Variants in IQSEC1 observed in about 807,000 individuals in gnomAD.
The protein encoded by IQSEC1 is IQ motif and SEC7 domain-containing protein 1.
In IQSEC1, 31 loss-of-function variants were observed where a neutral mutation model predicts 91.0. The observed-to-expected ratio is 0.34, with a 90% CI of 0.26 to 0.46. The LOEUF is 0.46. IQSEC1 is among the 20% of genes least tolerant of loss of function. IQSEC1 has a pLI of 1.00. For missense variants in IQSEC1, 1,388 were observed against 1,575.6 expected (o/e 0.88, Z 2.02); for synonymous variants, 699 against 662.6 (o/e 1.05, Z -0.84).
At chr3:13,033,242 C>T (rs1008530570) in intron 1 of IQSEC1, among the ~76,000 whole-genome samples, 6 of 152,156 alleles carry the variant, frequency 3.9e-5, no homozygotes, top group African/African-American at 1.2e-4. Context: ...CTGACGAGCC[C>T]GAGGACAGGT....
chr3:13,140,826 G>A (rs9849968), intron 2 of IQSEC1, among the ~76,000 whole-genome samples: 8 of 152,188 alleles, frequency 5.3e-5, no homozygotes, highest in African/African-American at 1.7e-4. Flanking sequence ...CCTGGGTCTG[G>A]ACTTAGGCTG....
Position 12,967,431 on chromosome 3 carries a change from G to C in IQSEC1, c.24-25566C>G. The C allele has an allele frequency of 2.6e-6, 4 of 1,534,182 alleles. No homozygotes were observed. The highest frequency in any genetic ancestry group is 3.5e-6 in the Non-Finnish European group (4 of 1,144,568). On this transcript the variant is annotated intron_variant, in intron 1 of 13. Transcript: ENST00000613206. This position sits in a 1 kb window ranked among gnomAD's most constrained non-coding sequence, Gnocchi z 5.9. ...CCAGAAGGGACTGGGTCCTCTCCGAGTTGCAGTGCAGGCACCACATGGCGG... is the reference window on the plus strand; with the variant it reads ...CCAGAAGGGACTGGGTCCTCTCCGACTTGCAGTGCAGGCACCACATGGCGG...
In IQSEC1 at chr3:13,144,323, C is replaced by T. The variant is rs1039869788; in HGVS notation, c.302+19781G>A. On this transcript the variant is annotated intron_variant, in intron 2 of 15. Coordinates refer to the IQSEC1 transcript ENST00000648114. The stretch of plus-strand genomic sequence containing the variant: ...AGCCGTGTGCTGTGGCCAAACCCAG[C>T]CGTGGATGCCTGATATCTGGTCACC... 7.2e-5 allele frequency among the ~76,000 whole-genome samples: 11 copies of T among 152,202 alleles called. 1 individual carries two copies. The highest frequency in any genetic ancestry group is 5.9e-4 in the Admixed American group (9 of 15,290).
intron 1 of IQSEC1, among the ~76,000 whole-genome samples, chr3:12,976,748 C>T (rs1188643011): frequency 6.6e-6 from 1 of 152,110 alleles, no homozygotes; most frequent in African/African-American, 2.4e-5. Context: ...CCACTGTATC[C>T]CCTGCCGTCT....
At chr3:13,059,050 C>T (rs895950111) in intron 1 of IQSEC1, among the ~76,000 whole-genome samples, 9 of 152,032 alleles carry the variant, frequency 5.9e-5, no homozygotes, top group Admixed American at 2.0e-4. Flanking sequence ...TCCTCTCCTG[C>T]GGTAGCCATC....
At chr3:13,188,199 C>G (rs1271286894) in intron 1 of IQSEC1, among the ~76,000 whole-genome samples, 4 of 152,208 alleles carry the variant, frequency 2.6e-5, no homozygotes, top group Non-Finnish European at 5.9e-5. Flanking sequence ...GTGGGCTTAT[C>G]CTACCCCATT....
intron 2 of IQSEC1, among the ~76,000 whole-genome samples, chr3:13,110,708 C>G (rs886664435): frequency 2.0e-5 from 3 of 152,212 alleles, no homozygotes; most frequent in African/African-American, 7.2e-5. Flanking sequence ...TGCCTGCTAC[C>G]TTGGGGACAC....
rs562613911 is a variant in IQSEC1 at position 13,049,609 on chromosome 3, A to C, written c.23+23383T>G. Among the ~76,000 whole-genome samples the C allele has an allele frequency of 2.6e-5, 4 of 152,256 alleles. No homozygotes were observed. In the East Asian group the frequency reaches 7.7e-4, roughly 29 times the overall value. ...AGACGCAAACTCCTAATCGCCCTTCAAAACCCTGCTCAAATGTCAACCCCT... is the reference window on the plus strand; with the variant it reads ...AGACGCAAACTCCTAATCGCCCTTCCAAACCCTGCTCAAATGTCAACCCCT... On this transcript the variant is annotated intron_variant, in intron 1 of 13. Coordinates refer to ENST00000613206, the MANE Select transcript of IQSEC1 (RefSeq NM_001134382.3).
rs1260816835 is a variant in IQSEC1, at chr3:13,282,289, C to T, written c.272+422G>A. ...GGCCCGCTCCAGGGCGGGATCCGCG[C>T]GGCCCGCGACCCCTCCCTACCGGTC... On this transcript the variant is annotated intron_variant, in intron 1 of 15. Transcript: ENST00000648114. The surrounding 1 kb of genome is among the most constrained non-coding windows in gnomAD (Gnocchi z 6.4). Among the ~76,000 whole-genome samples the T allele has an allele frequency of 6.6e-6, 1 of 152,200 alleles. No individual in the cohort carries two copies. Among genetic ancestry groups the T allele is most frequent in the Non-Finnish European group, 1.5e-5 (1 of 68,018 alleles).
rs768608622 is a variant in IQSEC1, at chr3:12,935,980, G to A, written c.1036C>T (p.Arg346Trp). 17 of 1,599,272 alleles carry A rather than the reference G, an allele frequency of 1.1e-5. No homozygotes were observed. Among genetic ancestry groups the A allele is most frequent in the Admixed American group, 5.0e-5 (3 of 59,972 alleles). Residue 346 changes from arginine to tryptophan, a missense_variant, in exon 3 of 14, where the codon CGG becomes TGG. Coordinates refer to ENST00000613206, the MANE Select transcript of IQSEC1 (RefSeq NM_001134382.3). This position sits in a 1 kb window ranked among gnomAD's most constrained non-coding sequence, Gnocchi z 8.0. ...EDKADTDTSC[R>W]STPSLERQEQ... ...TGCCGCTCCAGCGACGGCGTGCTCCGGCAGCTCGTGTCCGTGTCAGCCTTG... is the reference window on the plus strand; with the variant it reads ...TGCCGCTCCAGCGACGGCGTGCTCCAGCAGCTCGTGTCCGTGTCAGCCTTG...
intron 1 of IQSEC1, among the ~76,000 whole-genome samples, chr3:13,275,194 C>T (rs982660343): frequency 3.9e-5 from 6 of 152,234 alleles, no homozygotes; most frequent in East Asian, 3.8e-4. Context: ...CAGCAGGCAG[C>T]ACCTAGAACG....
At chr3:13,048,885 C>T (rs1704589963) in intron 1 of IQSEC1, among the ~76,000 whole-genome samples, 2 of 152,212 alleles carry the variant, frequency 1.3e-5, no homozygotes, top group Admixed American at 1.3e-4. Context: ...CACCCCTCTC[C>T]CCTTGAGCCA....
chr3:13,219,532 CTG>C, intron 1 of IQSEC1, among the ~76,000 whole-genome samples: 1 of 152,286 alleles, frequency 6.6e-6, no homozygotes, highest in Non-Finnish European at 1.5e-5. Flanking sequence ...TCGCAGAGCG[CTG>C]CCTCATTAAT....
At chr3:12,918,292 G>A (rs866849095) in intron 6 of IQSEC1, among the ~76,000 whole-genome samples, 1 of 152,228 alleles carries the variant, frequency 6.6e-6, no homozygotes, top group Non-Finnish European at 1.5e-5. Flanking sequence ...CCCTTCCATG[G>A]GAAGTGGGGA....
intron 2 of IQSEC1, among the ~76,000 whole-genome samples, chr3:13,138,493 C>T (rs1039906300): frequency 1.3e-5 from 2 of 152,058 alleles, no homozygotes; most frequent in Non-Finnish European, 2.9e-5. Flanking sequence ...TCCTTGCTGC[C>T]CACCCACTAT....
Position 12,940,139 on chromosome 3 carries a change from A to G in IQSEC1, c.318+1432T>C, listed in dbSNP as rs1015444565. Among the ~76,000 whole-genome samples, 1 of 152,174 alleles carries G rather than the reference A, an allele frequency of 6.6e-6. No homozygotes were observed. Among genetic ancestry groups the G allele is most frequent in the African/African-American group, 2.4e-5 (1 of 41,456 alleles). ...CATCTCTTACTATAAACCGTGGTCCACTTTGGATCTGGGCATCACGGATAA... is the reference window on the plus strand; with the variant it reads ...CATCTCTTACTATAAACCGTGGTCCGCTTTGGATCTGGGCATCACGGATAA... On this transcript the variant is annotated intron_variant, in intron 2 of 13. Coordinates refer to ENST00000613206, the MANE Select transcript of IQSEC1 (RefSeq NM_001134382.3). This position sits in a 1 kb window ranked among gnomAD's most constrained non-coding sequence, Gnocchi z 4.4.
At chr3:13,152,975 C>T (rs1002935475) in intron 2 of IQSEC1, among the ~76,000 whole-genome samples, 10 of 152,284 alleles carry the variant, frequency 6.6e-5, no homozygotes, top group South Asian at 4.1e-4. Context: ...GTAGGGGCAC[C>T]TTCCAGTGAA....
intron 1 of IQSEC1, among the ~76,000 whole-genome samples, chr3:13,058,286 G>C (rs1704947123): frequency 6.6e-6 from 1 of 152,110 alleles, no homozygotes; most frequent in Non-Finnish European, 1.5e-5. Context: ...AAAAAGAAAA[G>C]GAAAAAATAA....
chr3:12,996,138 G>A (rs1702219506), intron 1 of IQSEC1, among the ~76,000 whole-genome samples: 1 of 152,196 alleles, frequency 6.6e-6, no homozygotes, highest in Non-Finnish European at 1.5e-5. Flanking sequence ...TCCAGCCTGG[G>A]CAACAGAGCA....
Sources: gnomAD v4.1 joint callset for allele counts (sites outside exome capture counted in the v4.1 genomes callset) on GRCh38, gnomAD v4.1.1 for gene constraint, Gnocchi (gnomAD v3.1) non-coding constraint, MANE v1.5 for transcripts, NCBI Gene and HGNC (gene_info 2026-07-23, HGNC 2026-07-21) for gene names.